Variants in SLC25A37 observed in about 807,000 individuals in gnomAD.
SLC25A37 encodes solute carrier family 25 member 37.
SLC25A37 carries 17 observed loss-of-function variants against 31.0 expected under a neutral mutation model. That is an observed-to-expected ratio of 0.55 (90% CI 0.38 to 0.82). SLC25A37 has a LOEUF of 0.82. SLC25A37 is among the 40% of genes least tolerant of loss of function. The pLI is 0.00. For missense variants in SLC25A37, 404 were observed against 465.8 expected (o/e 0.87, Z 1.22); for synonymous variants, 222 against 193.0 (o/e 1.15, Z -1.24).
Position 23,540,220 on chromosome 8 carries a change from C to T in SLC25A37, c.210+11008C>T, listed in dbSNP as rs543225272. On this transcript the variant is annotated intron_variant, in intron 1 of 3. Coordinates refer to ENST00000519973, the MANE Select transcript of SLC25A37 (RefSeq NM_016612.4). ...TTCAGAAAAATTACATGCCCTAGAA[C>T]TCGGGCCTTTTTCTGCTCCAGAGCT... is the stretch of plus-strand genomic sequence containing the variant. Among the ~76,000 whole-genome samples, 5 of 152,282 alleles carry T rather than the reference C, an allele frequency of 3.3e-5. No homozygotes were observed. The South Asian group carries it at 1.0e-3, about 32-fold the overall frequency.
chr8:23,566,035 A>T (rs963786020), intron 1 of SLC25A37, 73 bp from the exon 2 acceptor site: 26 of 1,490,492 alleles, frequency 1.7e-5, no homozygotes, highest in Non-Finnish European at 2.2e-5. Context: ...CTCCTTCTCC[A>T]GGTCTTATTT....
At chr8:23,569,307 C>A (rs1477656685) in intron 3 of SLC25A37, among the ~76,000 whole-genome samples, 6 of 152,118 alleles carry the variant, frequency 3.9e-5, no homozygotes, top group Non-Finnish European at 8.8e-5. Flanking sequence ...TTACACCGAA[C>A]CTACTGGATC....
chr8:23,565,927 A>G (rs191121638), intron 1 of SLC25A37, among the ~76,000 whole-genome samples, 181 bp from the exon 2 acceptor site: 65 of 152,314 alleles, frequency 4.3e-4, no homozygotes, highest in Admixed American at 3.7e-3. Context: ...GCACACATTC[A>G]TGTAGATTTC....
chr8:23,534,202 C>T (rs1475729967), intron 1 of SLC25A37, among the ~76,000 whole-genome samples: 1 of 152,152 alleles, frequency 6.6e-6, no homozygotes, highest in African/African-American at 2.4e-5. Context: ...ATCCTCCCAC[C>T]TTGGCCTTCC....
At chr8:23,535,656 A>G (rs913273965) in intron 1 of SLC25A37, among the ~76,000 whole-genome samples, 1 of 152,224 alleles carries the variant, frequency 6.6e-6, no homozygotes. Flanking sequence ...TGATAAAGAC[A>G]TACCTGAGAC....
intron 3 of SLC25A37, among the ~76,000 whole-genome samples, chr8:23,570,677 T>G (rs990158422): frequency 6.6e-6 from 1 of 152,170 alleles, no homozygotes; most frequent in Non-Finnish European, 1.5e-5. Flanking sequence ...TTTATTTGTT[T>G]AAAAGTAAAG....
intron 1 of SLC25A37, among the ~76,000 whole-genome samples, chr8:23,564,250 G>A (rs571318085): frequency 1.4e-4 from 21 of 152,130 alleles, no homozygotes; most frequent in African/African-American, 5.1e-4. Flanking sequence ...ACTAATTCAG[G>A]TGATTGGTTT....
In SLC25A37 at chr8:23,573,897, G is replaced by A. The variant is rs1360084821; in HGVS notation, c.*2042G>A. 2 of 455,474 alleles carry A rather than the reference G, an allele frequency of 4.4e-6. No homozygotes were observed. Among genetic ancestry groups the A allele is most frequent in the South Asian group, 1.6e-5 (1 of 64,508 alleles). 28.2% of individuals were successfully genotyped at this position (455,474 alleles called of 1,614,324 possible). On this transcript the variant is annotated 3_prime_UTR_variant, in exon 4 of 4. Coordinates refer to ENST00000519973, the MANE Select transcript of SLC25A37 (RefSeq NM_016612.4). ...AGAAAGCCGTAAAGTCCACGCTACT[G>A]TTGAAAATGTTTACATCTCCGCTCT...
At chr8:23,539,637 T>G (rs1045352981) in intron 1 of SLC25A37, among the ~76,000 whole-genome samples, 5 of 152,266 alleles carry the variant, frequency 3.3e-5, no homozygotes, top group African/African-American at 1.2e-4. Context: ...ATCATTTCTC[T>G]GGGCTAGTTT....
chr8:23,529,246 G>A lies in SLC25A37; in HGVS notation c.210+34G>A. The stretch of plus-strand genomic sequence containing the variant: ...CGGGGAGACTTCGGGGACGCAACGA[G>A]CGGAGAAGGAGCGCGCGCGCGCATT... On this transcript the variant is annotated intron_variant, in intron 1 of 3. Transcript: ENST00000519973. This position sits in a 1 kb window ranked among gnomAD's most constrained non-coding sequence, Gnocchi z 4.1. 6.3e-7 allele frequency: 1 copy of A among 1,584,616 alleles called. No individual in the cohort carries two copies. The highest frequency in any genetic ancestry group is 1.1e-5 in the South Asian group (1 of 88,068).
intron 3 of SLC25A37, among the ~76,000 whole-genome samples, chr8:23,570,091 G>C (rs371367934): frequency 6.6e-6 from 1 of 152,096 alleles, no homozygotes; most frequent in African/African-American, 2.4e-5. Context: ...GGAGGTGGGC[G>C]GGGAGTCTCT....
chr8:23,551,355 C>T (rs906869189), intron 1 of SLC25A37, among the ~76,000 whole-genome samples: 18 of 152,224 alleles, frequency 1.2e-4, no homozygotes, highest in South Asian at 4.1e-4. Flanking sequence ...CCACCAGGTG[C>T]GAGTCCCCTT....
At chr8:23,550,391 A>G (rs1045390836) in intron 1 of SLC25A37, among the ~76,000 whole-genome samples, 2 of 152,122 alleles carry the variant, frequency 1.3e-5, no homozygotes, top group Non-Finnish European at 2.9e-5. Context: ...CAGACGCATC[A>G]CTTGGTATAA....
chr8:23,551,369 C>G (rs2928674), intron 1 of SLC25A37, among the ~76,000 whole-genome samples: 1 of 152,122 alleles, frequency 6.6e-6, no homozygotes, highest in Non-Finnish European at 1.5e-5. Context: ...TCCCCTTGCT[C>G]TTTGGGGCCT....
At chr8:23,540,722 C>G (rs7826247) in intron 1 of SLC25A37, among the ~76,000 whole-genome samples, 58,113 of 151,960 alleles carry the variant, frequency 0.38, 12,696 homozygotes, top group East Asian at 0.61. Context: ...GTATATAAGT[C>G]ACTTACTGGG....
chr8:23,531,329 C>T (rs1055251937), intron 1 of SLC25A37, among the ~76,000 whole-genome samples: 2 of 152,166 alleles, frequency 1.3e-5, no homozygotes, highest in Non-Finnish European at 2.9e-5. Context: ...TGGCGAAGAC[C>T]GGGAGTAACT....
At chr8:23,553,435 CAAAAAACA>C (rs1462791357) in intron 1 of SLC25A37, among the ~76,000 whole-genome samples, 1 of 112,444 alleles carries the variant, frequency 8.9e-6, no homozygotes, top group Admixed American at 8.2e-5. Context: ...AAGAAAAAAA[CAAAAAACA>C]AAAAAAAAAC....
At chr8:23,570,403 C>CG (rs1802790562) in intron 3 of SLC25A37, among the ~76,000 whole-genome samples, 1 of 55,708 alleles carries the variant, frequency 1.8e-5, no homozygotes, top group Non-Finnish European at 3.4e-5. Flanking sequence ...CTTAGGTAAG[C>CG]GGTGGTGGGG....
intron 1 of SLC25A37, among the ~76,000 whole-genome samples, chr8:23,550,816 C>A (rs1365555282): frequency 1.3e-5 from 2 of 152,202 alleles, no homozygotes; most frequent in Admixed American, 1.3e-4. Flanking sequence ...TACCCAGATT[C>A]CAAGGGACCA....
Sources: gnomAD v4.1 joint callset for allele counts (sites outside exome capture counted in the v4.1 genomes callset) on GRCh38, gnomAD v4.1.1 for gene constraint, Gnocchi (gnomAD v3.1) non-coding constraint, MANE v1.5 for transcripts, NCBI Gene and HGNC (gene_info 2026-07-23, HGNC 2026-07-21) for gene names.